ROR1: variants seen among roughly 807,000 people sequenced by gnomAD.
ROR1 encodes the protein ROR family WNT receptor 1.
ROR1 carries 19 observed loss-of-function variants against 78.8 expected under a neutral mutation model. The ratio of observed to expected loss-of-function variants is 0.24; its 90% CI spans 0.17 to 0.35. The LOEUF (loss-of-function observed/expected upper bound fraction) is 0.35, where lower values mean the gene tolerates loss of function less well. Ranked by LOEUF, ROR1 falls within the 10% of genes least tolerant of loss-of-function variation. The probability of loss-of-function intolerance (pLI) is 1.00; values close to 1 mark genes in which losing one functional copy is unlikely to be tolerated. For synonymous variants in ROR1, 386 were observed against 433.6 expected (o/e 0.89, Z 1.36); for missense variants, 917 against 1,177.8 (o/e 0.78, Z 3.24).
At chr1:63,909,740 GT>G (rs1227174858) in intron 1 of ROR1, among the ~76,000 whole-genome samples, 1 of 152,046 alleles carries the variant, frequency 6.6e-6, no homozygotes. Flanking sequence ...ATCAGTGTGA[GT>G]AACTGCTACA....
At chr1:64,127,115 C>T (rs968228793) in intron 4 of ROR1, among the ~76,000 whole-genome samples, 1 of 152,146 alleles carries the variant, frequency 6.6e-6, no homozygotes, top group Non-Finnish European at 1.5e-5. Context: ...CCAATAAAAT[C>T]GAACTGTTTC....
chr1:63,850,757 G>T (rs775427789), intron 1 of ROR1, among the ~76,000 whole-genome samples: 1 of 152,064 alleles, frequency 6.6e-6, no homozygotes, highest in Non-Finnish European at 1.5e-5. Flanking sequence ...TAATTAGTTT[G>T]CTATACATCC....
intron 1 of ROR1, among the ~76,000 whole-genome samples, chr1:63,975,573 G>A (rs979131179): frequency 3.3e-5 from 5 of 152,106 alleles, no homozygotes; most frequent in South Asian, 2.1e-4. Context: ...TTTCATGCCC[G>A]GAAGTATAAA....
At chr1:64,035,995 A>C in intron 2 of ROR1, among the ~76,000 whole-genome samples, 1 of 152,246 alleles carries the variant, frequency 6.6e-6, no homozygotes, top group Non-Finnish European at 1.5e-5. Flanking sequence ...TGTGTATTTG[A>C]TTATAGAGAT....
At chr1:64,133,515 CAT>C (rs1016335051) in intron 4 of ROR1, among the ~76,000 whole-genome samples, 4 of 152,304 alleles carry the variant, frequency 2.6e-5, no homozygotes, top group African/African-American at 7.2e-5. Flanking sequence ...TTACAGACCA[CAT>C]TTGCGTTTCC....
chr1:64,018,276 G>T (rs1244316520), intron 2 of ROR1, among the ~76,000 whole-genome samples: 1 of 152,118 alleles, frequency 6.6e-6, no homozygotes, highest in East Asian at 1.9e-4. Flanking sequence ...TTACCATGGG[G>T]CTCCTCCCTC....
At chr1:63,897,082 G>A (rs1645446115) in intron 1 of ROR1, among the ~76,000 whole-genome samples, 1 of 152,144 alleles carries the variant, frequency 6.6e-6, no homozygotes, top group South Asian at 2.1e-4. Flanking sequence ...CCAGCTCTCA[G>A]GATTTTGCAT....
At chr1:63,938,566 G>T (rs905466198) in intron 1 of ROR1, among the ~76,000 whole-genome samples, 3 of 152,142 alleles carry the variant, frequency 2.0e-5, no homozygotes, top group Admixed American at 2.0e-4. Context: ...CTTGCAGGGG[G>T]AGTTGCTTCA....
Position 63,945,529 on chromosome 1 carries a change from C to A in ROR1, c.92-63776C>A, listed in dbSNP as rs539249397. Among the ~76,000 whole-genome samples the A allele has an allele frequency of 2.6e-5, 4 of 152,214 alleles. No homozygotes were observed. The East Asian group carries it at 5.8e-4, about 22-fold the overall frequency. ...GCCTATTTCTGGGGAGCAGGCTCAC[C>A]CATTGTTTAATGTTGTTTCCTTCTA... On this transcript the variant is annotated intron_variant, in intron 1 of 8. Transcript: ENST00000371079.
rs1194366778 is a variant in ROR1, at chr1:64,179,881, T to A, written c.*1026T>A. 1 of 152,178 alleles carries A rather than the reference T, an allele frequency of 6.6e-6. No homozygotes were observed. Among genetic ancestry groups the A allele is most frequent in the Non-Finnish European group, 1.5e-5 (1 of 68,044 alleles). 9.4% of individuals were successfully genotyped at this position (152,178 alleles called of 1,614,324 possible). A position where few individuals can be genotyped will look rare whatever the true frequency, so the allele number is the denominator to read the frequency against. On this transcript the variant is annotated 3_prime_UTR_variant, in exon 9 of 9. Transcript: ENST00000371079. ...AATGGGCTCTAGGGAAGTAGGAAAC[T>A]CCATCATGATACAAATGTCTAGTAA...
intron 1 of ROR1, among the ~76,000 whole-genome samples, chr1:63,810,434 G>A (rs1266176511): frequency 6.6e-6 from 1 of 152,174 alleles, no homozygotes; most frequent in East Asian, 1.9e-4. Context: ...CCATTGTTGA[G>A]TTCTGGAGAT....
chr1:63,973,018 G>A (rs1377513378), intron 1 of ROR1, among the ~76,000 whole-genome samples: 1 of 152,228 alleles, frequency 6.6e-6, no homozygotes, highest in Non-Finnish European at 1.5e-5. Flanking sequence ...GAGGCAGGGA[G>A]CCAGTGCTCA....
At chr1:63,913,638 C>T (rs1228787575) in intron 1 of ROR1, among the ~76,000 whole-genome samples, 6 of 152,166 alleles carry the variant, frequency 3.9e-5, no homozygotes, top group Admixed American at 3.3e-4. Flanking sequence ...GCCTGTCCCA[C>T]GGCCTCCCCC....
chr1:63,778,022 T>G (rs1450299939), intron 1 of ROR1, among the ~76,000 whole-genome samples: 1 of 152,208 alleles, frequency 6.6e-6, no homozygotes, highest in Non-Finnish European at 1.5e-5. Flanking sequence ...AGAAGTGTAG[T>G]GTAGCAGAAC....
intron 4 of ROR1, among the ~76,000 whole-genome samples, chr1:64,107,280 C>G (rs936048824): frequency 7.2e-5 from 11 of 152,278 alleles, no homozygotes; most frequent in African/African-American, 2.2e-4. Context: ...TGCAGGTGGT[C>G]AGTAAGTAGC....
chr1:64,070,179 T>G (rs781408394), intron 4 of ROR1, among the ~76,000 whole-genome samples: 2 of 152,236 alleles, frequency 1.3e-5, no homozygotes, highest in Non-Finnish European at 2.9e-5. Context: ...TTCTTTCACT[T>G]AGCATAATGT....
chr1:63,944,622 C>T (rs537659161), intron 1 of ROR1, among the ~76,000 whole-genome samples: 47 of 152,150 alleles, frequency 3.1e-4, no homozygotes, highest in African/African-American at 7.7e-4. Flanking sequence ...AATGATTGTG[C>T]AAAGAAATGC....
intron 1 of ROR1, among the ~76,000 whole-genome samples, chr1:63,963,099 A>C (rs969310243): frequency 2.6e-5 from 4 of 152,304 alleles, no homozygotes; most frequent in Non-Finnish European, 4.4e-5. Flanking sequence ...GACATCTGTT[A>C]TCTTTACACC....
intron 1 of ROR1, among the ~76,000 whole-genome samples, chr1:63,807,502 G>A (rs936127865): frequency 6.6e-6 from 1 of 152,194 alleles, no homozygotes; most frequent in Non-Finnish European, 1.5e-5. Context: ...TCTCATCTAA[G>A]ATGTGTCCTG....
Sources: allele counts gnomAD v4.1 joint callset (sites outside exome capture counted in the v4.1 genomes callset), GRCh38; gene constraint gnomAD v4.1.1; transcripts MANE v1.5; gene names NCBI Gene and HGNC (gene_info 2026-07-23, HGNC 2026-07-21).